Variants in RTN4 observed in about 807,000 individuals in gnomAD.
RTN4 encodes reticulon-4.
In RTN4, 32 loss-of-function variants were observed where a neutral mutation model predicts 90.4. That is an observed-to-expected ratio of 0.35 (90% confidence interval 0.27 to 0.48). The LOEUF (loss-of-function observed/expected upper bound fraction) is 0.48, where lower values mean the gene tolerates loss of function less well. Among genes scored for constraint, RTN4 ranks in the 20% least tolerant of loss-of-function variants. The pLI is 0.99. For missense variants in RTN4, 1,706 were observed against 1,430.2 expected (o/e 1.19, Z -3.11); for synonymous variants, 629 against 552.5 (o/e 1.14, Z -1.94).
chr2:55,044,407 C>A (rs946630790), intron 1 of RTN4, among the ~76,000 whole-genome samples: 2 of 151,404 alleles, frequency 1.3e-5, no homozygotes, highest in African/African-American at 4.9e-5. Flanking sequence ...AACAAACAAA[C>A]AAACAAACAA....
chr2:55,064,137 C>A (rs1221964947), intron 2 of RTN4, among the ~76,000 whole-genome samples: 1 of 150,490 alleles, frequency 6.6e-6, no homozygotes, highest in Non-Finnish European at 1.5e-5. Context: ...CAGGAGGATT[C>A]CTTGAACTCA....
At chr2:55,092,522 C>T (rs1025061139) in intron 1 of RTN4, among the ~76,000 whole-genome samples, 2 of 152,188 alleles carry the variant, frequency 1.3e-5, no homozygotes, top group African/African-American at 4.8e-5. Flanking sequence ...GCGTGAGCCA[C>T]CGTGCCCGGC....
intron 1 of RTN4, among the ~76,000 whole-genome samples, chr2:55,108,185 C>T (rs1667976964): frequency 6.6e-6 from 1 of 152,256 alleles, no homozygotes; most frequent in South Asian, 2.1e-4. Flanking sequence ...GAACCCCTGA[C>T]TTCAGGTGAT....
rs576230379 is a variant in RTN4, at chr2:55,063,366, G to A, written c.-63+17123C>T. On this transcript the variant is annotated intron_variant, in intron 2 of 3. Coordinates refer to the RTN4 transcript ENST00000427710. Reference sequence around the variant, plus strand: ...GTGGTAGGGAGTTTCCTAAACAGAGGAGACTGCGTGTGGGAAGTGGTAAAG... The same window carrying A: ...GTGGTAGGGAGTTTCCTAAACAGAGAAGACTGCGTGTGGGAAGTGGTAAAG... 3.6e-3 allele frequency among the ~76,000 whole-genome samples: 542 copies of A among 152,250 alleles called. 1 individual carries two copies. In the Middle Eastern group the frequency reaches 0.041, roughly 11 times the overall value.
chr2:55,099,710 A>G (rs371282160), intron 1 of RTN4, among the ~76,000 whole-genome samples: 6 of 152,090 alleles, frequency 3.9e-5, no homozygotes, highest in African/African-American at 1.5e-4. Context: ...ACTCTGCCAC[A>G]TATTATGTAT....
At chr2:55,098,880 C>T (rs1030292967) in intron 1 of RTN4, among the ~76,000 whole-genome samples, 7 of 152,088 alleles carry the variant, frequency 4.6e-5, no homozygotes, top group African/African-American at 1.7e-4. Context: ...GTTCCTCTGT[C>T]CTCTCTATTT....
chr2:55,070,897 C>T (rs570123878), intron 2 of RTN4, among the ~76,000 whole-genome samples: 3 of 151,926 alleles, frequency 2.0e-5, no homozygotes, highest in Non-Finnish European at 2.9e-5. Flanking sequence ...CTGCCTCAGC[C>T]TCCCGAGTAG....
At chr2:55,129,196 C>T in the RTN4 span, among the ~76,000 whole-genome samples, 1 of 151,658 alleles carries the variant, frequency 6.6e-6, no homozygotes, top group Admixed American at 6.6e-5. Flanking sequence ...TACAAATGGC[C>T]AACAGCAAAG....
Position 55,027,166 on chromosome 2 carries a change from T to C in RTN4, c.933A>G (p.Glu311=), listed in dbSNP as rs1681960470. 6.2e-7 allele frequency: 1 copy of C among 1,613,722 alleles called. No homozygotes were observed. The highest frequency in any genetic ancestry group is 8.5e-7 in the Non-Finnish European group (1 of 1,179,832). The change falls in exon 3 of 9, where the codon GAA becomes GAG. Residue 311 remains glutamate (E), a synonymous_variant. Transcript: ENST00000337526. ...GSSFSVSPKA[E]SAVIVANPRE... is the part of the protein sequence containing the mutation. ...TAGGATTTGCTACTATTACGGCAGA[T>C]TCTGCTTTTGGAGAGACACTGAACG...
intron 3 of RTN4, among the ~76,000 whole-genome samples, chr2:54,991,311 T>C (rs1274496862): frequency 3.9e-5 from 6 of 152,200 alleles, no homozygotes; most frequent in Non-Finnish European, 8.8e-5. Flanking sequence ...TAATGTCTAA[T>C]CAAACTTCCT....
intron 3 of RTN4, among the ~76,000 whole-genome samples, chr2:55,013,981 T>A (rs1429360255): frequency 1.3e-5 from 2 of 152,186 alleles, no homozygotes; most frequent in African/African-American, 2.4e-5. Flanking sequence ...GCATGTTTTT[T>A]AAAAAATAAG....
Position 55,026,833 on chromosome 2 carries a change from T to C in RTN4, c.1266A>G (p.Lys422=). 6.2e-7 allele frequency: 1 copy of C among 1,613,954 alleles called. No homozygotes were observed. The highest frequency in any genetic ancestry group is 8.5e-7 in the Non-Finnish European group (1 of 1,179,900). Residue 422 remains lysine (K), a synonymous_variant, in exon 3 of 9, where the codon AAA becomes AAG. Transcript: ENST00000337526. ...GCTCAAGGCTATCTGCAAAACATTTTTTATCCACTTTACTTTCCAAGTTGC... is the reference window on the plus strand; with the variant it reads ...GCTCAAGGCTATCTGCAAAACATTTCTTATCCACTTTACTTTCCAAGTTGC... The part of the protein sequence containing the change: ...IESNLESKVD[K]KCFADSLEQT...
At chr2:54,983,065 G>A (rs1398657603) in intron 4 of RTN4, among the ~76,000 whole-genome samples, 3 of 142,714 alleles carry the variant, frequency 2.1e-5, no homozygotes, top group Non-Finnish European at 4.6e-5. Flanking sequence ...GACTATGGTT[G>A]TTTTTTTTTT....
chr2:55,050,342 G>A lies in RTN4; in HGVS notation c.-42C>T. 1 of 1,298,654 alleles carries A rather than the reference G, an allele frequency of 7.7e-7. No homozygotes were observed. Among genetic ancestry groups the A allele is most frequent in the Non-Finnish European group, 1.0e-6 (1 of 1,000,280 alleles). The allele number at this position is 1,298,654 out of a possible 1,614,324, so 80.4% of individuals were successfully genotyped here. A position where few individuals can be genotyped will look rare whatever the true frequency, so the allele number is the denominator to read the frequency against. On this transcript the variant is annotated 5_prime_UTR_variant, in exon 1 of 9. Transcript: ENST00000337526. The surrounding 1 kb of genome is among the most constrained non-coding windows in gnomAD (Gnocchi z 4.6). ...TGATGCTGCAGCTGCTGCCGCCGCC[G>A]CCGGGGCCGCGTCTCAGAGCCGCGG...
intron 1 of RTN4, among the ~76,000 whole-genome samples, chr2:55,086,541 G>A (rs1235622014): frequency 6.6e-6 from 1 of 151,890 alleles, no homozygotes; most frequent in Non-Finnish European, 1.5e-5. Flanking sequence ...ATGGTGGTAT[G>A]CGCCTGTAGT....
chr2:55,034,997 C>A (rs139924145), intron 1 of RTN4, among the ~76,000 whole-genome samples: 1 of 152,212 alleles, frequency 6.6e-6, no homozygotes, highest in Non-Finnish European at 1.5e-5. Context: ...AGAGGTACAG[C>A]TAAAACCCCA....
intron 1 of RTN4, among the ~76,000 whole-genome samples, chr2:55,106,226 G>A (rs1426521738): frequency 6.6e-6 from 1 of 152,040 alleles, no homozygotes; most frequent in African/African-American, 2.4e-5. Context: ...CTCATCTGTA[G>A]TCCCAGCTCA....
chr2:54,989,369 A>T (rs1365723635), intron 3 of RTN4, among the ~76,000 whole-genome samples: 1 of 152,190 alleles, frequency 6.6e-6, no homozygotes, highest in Admixed American at 6.5e-5. Context: ...AAATATTCCC[A>T]AACTTGTTTG....
At chr2:55,128,719 T>A in the RTN4 span, among the ~76,000 whole-genome samples, 1 of 151,520 alleles carries the variant, frequency 6.6e-6, no homozygotes, top group African/African-American at 2.4e-5. Context: ...AGTGACATAT[T>A]AAAATATCTG....
Sources: allele counts gnomAD v4.1 joint callset (sites outside exome capture counted in the v4.1 genomes callset), GRCh38; gene constraint gnomAD v4.1.1; non-coding constraint Gnocchi (gnomAD v3.1); transcripts MANE v1.5; gene names NCBI Gene and HGNC (gene_info 2026-07-23, HGNC 2026-07-21).